Variants in ARHGAP22 observed in about 807,000 individuals in gnomAD.
ARHGAP22 encodes Rho GTPase activating protein 22.
A neutral mutation model predicts 59.1 loss-of-function variants in ARHGAP22; 48 were observed. The observed-to-expected ratio is 0.81, with a 90% CI of 0.64 to 1.03. The LOEUF is 1.03. ARHGAP22 is among the 50% of genes least tolerant of loss of function. ARHGAP22 has a pLI of 0.00. For missense variants in ARHGAP22, 1,015 were observed against 958.7 expected (o/e 1.06, Z -0.78); for synonymous variants, 445 against 416.4 (o/e 1.07, Z -0.84).
At chr10:48,625,277 T>G (rs1026555811) in intron 1 of ARHGAP22, among the ~76,000 whole-genome samples, 1 of 152,152 alleles carries the variant, frequency 6.6e-6, no homozygotes, top group Non-Finnish European at 1.5e-5. Flanking sequence ...TCAAATCACA[T>G]TTATGGAACA....
chr10:48,516,327 C>T (rs528835413), intron 3 of ARHGAP22, among the ~76,000 whole-genome samples: 11 of 152,164 alleles, frequency 7.2e-5, no homozygotes, highest in South Asian at 2.1e-4. Context: ...GAGTTTGAGA[C>T]GAGCTTGGGC....
intron 8 of ARHGAP22, chr10:48,451,627 T>C (rs1161313322): frequency 4.3e-6 from 3 of 690,578 alleles, no homozygotes; most frequent in Non-Finnish European, 7.9e-6. Context: ...GGCACACACA[T>C]ACAATTGCAC....
At chr10:48,472,037 T>C (rs1304267783) in intron 4 of ARHGAP22, among the ~76,000 whole-genome samples, 1 of 148,880 alleles carries the variant, frequency 6.7e-6, no homozygotes, top group African/African-American at 2.5e-5. Flanking sequence ...TGAAACCCTG[T>C]ATCTACTAAA....
At position 48,454,099 on chromosome 10, in the gene ARHGAP22, T is replaced by C. The variant is rs745474104; in HGVS notation, c.855A>G (p.Arg285=). Residue 285 remains arginine (R), a synonymous_variant, in exon 7 of 10, where the codon AGA becomes AGG. Transcript: ENST00000249601. ...GCCAAGCCGCTTACTTGCAGATGTA[T>C]CTGAGCAGGTTGTAATTTGCCTGAG... ...NLPQANYNLL[R]YICKFLDEVQ... is the part of the protein sequence containing the mutation. 1 of 1,614,026 alleles carries C rather than the reference T, an allele frequency of 6.2e-7. No homozygotes were observed. The highest frequency in any genetic ancestry group is 1.1e-5 in the South Asian group (1 of 91,078).
At chr10:48,523,958 C>T in intron 3 of ARHGAP22, 6 of 1,114,426 alleles carry the variant, frequency 5.4e-6, no homozygotes, top group Non-Finnish European at 4.8e-6. Flanking sequence ...CAGGTGCGGG[C>T]GGCCCTGGAC....
At chr10:48,628,475 G>A (rs923649881) in intron 1 of ARHGAP22, among the ~76,000 whole-genome samples, 2 of 152,196 alleles carry the variant, frequency 1.3e-5, no homozygotes, top group Admixed American at 6.5e-5. Context: ...GCTCCTGTCT[G>A]TTTCCATAGC....
chr10:48,481,308 G>C (rs1294037857), intron 3 of ARHGAP22, among the ~76,000 whole-genome samples: 1 of 152,216 alleles, frequency 6.6e-6, no homozygotes, highest in Non-Finnish European at 1.5e-5. Context: ...GGCTACGAAG[G>C]CTGGAATGGC....
chr10:48,577,477 AT>A (rs2058794682), intron 2 of ARHGAP22, among the ~76,000 whole-genome samples: 1 of 152,076 alleles, frequency 6.6e-6, no homozygotes, highest in Admixed American at 6.5e-5. Flanking sequence ...CACCTCCGCC[AT>A]TTTACTGGAG....
At chr10:48,531,958 A>AT (rs1383606570) in intron 3 of ARHGAP22, among the ~76,000 whole-genome samples, 17 of 152,216 alleles carry the variant, frequency 1.1e-4, no homozygotes, top group African/African-American at 3.9e-4. Flanking sequence ...GCTTTTCAGA[A>AT]TAATGTCTGT....
intron 1 of ARHGAP22, among the ~76,000 whole-genome samples, chr10:48,651,888 G>A (rs149426540): frequency 6.6e-6 from 1 of 152,232 alleles, no homozygotes; most frequent in East Asian, 1.9e-4. Context: ...GTAGCCTTCA[G>A]CTGCACACAG....
At chr10:48,604,461 C>T (rs999029660) in intron 1 of ARHGAP22, among the ~76,000 whole-genome samples, 6 of 152,230 alleles carry the variant, frequency 3.9e-5, no homozygotes, top group Admixed American at 2.6e-4. Context: ...CTTAAAGTTG[C>T]CACCAGGTCA....
intron 2 of ARHGAP22, among the ~76,000 whole-genome samples, chr10:48,559,183 C>G (rs1370638427): frequency 6.6e-6 from 1 of 152,174 alleles, no homozygotes; most frequent in East Asian, 1.9e-4. Flanking sequence ...GTGTTTGTAT[C>G]TCAGAAGGAA....
chr10:48,608,144 G>A (rs7914646), upstream of ARHGAP22, among the ~76,000 whole-genome samples: 93,213 of 152,052 alleles, frequency 0.61, 30,062 homozygotes, highest in Middle Eastern at 0.72. Context: ...GAAGACAACT[G>A]CACATGGGGT....
In ARHGAP22 at chr10:48,450,629, C is replaced by A; in HGVS notation, c.1500G>T (p.Leu500=). 2 of 1,549,446 alleles carry A rather than the reference C, an allele frequency of 1.3e-6. No homozygotes were observed. The highest frequency in any genetic ancestry group is 1.2e-5 in the South Asian group (1 of 84,054). Residue 500 remains leucine (L), a synonymous_variant, in exon 9 of 10, where the codon CTG becomes CTT. Coordinates refer to ENST00000249601, the MANE Select transcript of ARHGAP22 (RefSeq NM_021226.4). The part of the protein sequence containing the change: ...STYDNVPAPG[L]VPGIPSVASM... ...TGGCCACGCTGGGTATGCCGGGGAC[C>A]AGGCCCGGCGCGGGCACATTGTCGT... is the stretch of plus-strand genomic sequence containing the variant.
intron 1 of ARHGAP22, among the ~76,000 whole-genome samples, chr10:48,596,995 T>G (rs897339440): frequency 6.6e-6 from 1 of 152,178 alleles, no homozygotes; most frequent in Non-Finnish European, 1.5e-5. Context: ...CTCATGACTC[T>G]GCTGGTGAAT....
intron 3 of ARHGAP22, chr10:48,524,121 C>T (rs1041595951): frequency 1.2e-4 from 154 of 1,328,334 alleles, no homozygotes; most frequent in Non-Finnish European, 1.4e-4. Flanking sequence ...CGCCCGCGGC[C>T]CCGCCGCTCG....
chr10:48,535,509 C>T (rs2055260341), intron 3 of ARHGAP22, among the ~76,000 whole-genome samples: 1 of 152,246 alleles, frequency 6.6e-6, no homozygotes, highest in Non-Finnish European at 1.5e-5. Context: ...CCTCAGAGGT[C>T]ACCTGTCACT....
intron 1 of ARHGAP22, among the ~76,000 whole-genome samples, chr10:48,619,297 C>A (rs1328985182): frequency 2.0e-5 from 3 of 152,080 alleles, no homozygotes; most frequent in Non-Finnish European, 4.4e-5. Context: ...TCAGTGAAAT[C>A]TCTGTAAAAT....
At chr10:48,633,504 T>C (rs4838429) in intron 1 of ARHGAP22, among the ~76,000 whole-genome samples, 86,249 of 152,116 alleles carry the variant, frequency 0.57, 25,045 homozygotes, top group African/African-American at 0.69. Flanking sequence ...CTTGAACTCT[T>C]TTCTTTTAAT....
Sources: allele counts gnomAD v4.1 joint callset (sites outside exome capture counted in the v4.1 genomes callset), GRCh38; gene constraint gnomAD v4.1.1; transcripts MANE v1.5; gene names NCBI Gene and HGNC (gene_info 2026-07-23, HGNC 2026-07-21).